Variants in ANAPC10 observed in about 807,000 individuals in gnomAD.
ANAPC10 encodes anaphase promoting complex subunit 10.
A neutral mutation model predicts 22.0 loss-of-function variants in ANAPC10; 12 were observed. That is an observed-to-expected ratio of 0.55 (90% confidence interval 0.35 to 0.88). The LOEUF (loss-of-function observed/expected upper bound fraction) is 0.88. Among genes scored for constraint, ANAPC10 ranks in the 40% least tolerant of loss-of-function variants. The pLI, the probability that ANAPC10 is intolerant of heterozygous loss-of-function variation, is 0.01. For synonymous variants in ANAPC10, 65 were observed against 69.5 expected (o/e 0.94, Z 0.32); for missense variants, 188 against 220.9 (o/e 0.85, Z 0.94).
At position 145,054,668 on chromosome 4, in the gene ANAPC10, A is replaced by ATG. The variant is rs1170130524; in HGVS notation, c.327+9902_327+9903dup. 1.7e-4 allele frequency among the ~76,000 whole-genome samples: 24 copies of ATG among 139,534 alleles called. 1 individual carries two copies. Among genetic ancestry groups the ATG allele is most frequent in the African/African-American group, 5.7e-4 (21 of 37,140 alleles). 91.5% of individuals were successfully genotyped at this position (139,534 alleles called of 152,430 possible). On this transcript the variant is annotated intron_variant, in intron 4 of 4. Coordinates refer to ENST00000507656, the MANE Select transcript of ANAPC10 (RefSeq NM_001256706.2). ...GCGCGCGCGCGCGTGCGTGCAGCGC[A>ATG]TGTGTGTGTGTGTGCCTGTGTGTGT... is the stretch of plus-strand genomic sequence containing the variant.
chr4:145,085,512 A>G (rs904695136), intron 2 of ANAPC10, among the ~76,000 whole-genome samples: 3 of 151,974 alleles, frequency 2.0e-5, no homozygotes, highest in African/African-American at 7.2e-5. Context: ...TATGTGCTCA[A>G]AGAGGTTCAA....
At chr4:145,031,149 C>T (rs937089468) in intron 4 of ANAPC10, among the ~76,000 whole-genome samples, 2 of 152,232 alleles carry the variant, frequency 1.3e-5, no homozygotes, top group Admixed American at 6.5e-5. Context: ...TCCTACCTCA[C>T]GGGTATATCA....
At chr4:145,073,371 A>AT (rs1235344923) in intron 3 of ANAPC10, among the ~76,000 whole-genome samples, 1 of 152,232 alleles carries the variant, frequency 6.6e-6, no homozygotes, top group Non-Finnish European at 1.5e-5. Context: ...CTGTTACCTG[A>AT]TATTTTTTAA....
intron 2 of ANAPC10, among the ~76,000 whole-genome samples, chr4:145,089,929 C>T (rs141211745): frequency 6.6e-6 from 1 of 152,278 alleles, no homozygotes; most frequent in Non-Finnish European, 1.5e-5. Context: ...ACCTTTTCAA[C>T]TGCTCATATT....
At chr4:145,086,243 A>G (rs1294820860) in intron 2 of ANAPC10, among the ~76,000 whole-genome samples, 2 of 152,196 alleles carry the variant, frequency 1.3e-5, no homozygotes, top group Non-Finnish European at 2.9e-5. Context: ...GATTACTGGC[A>G]TGAGCCACCG....
At chr4:145,076,695 A>G (rs1224645389) in intron 3 of ANAPC10, among the ~76,000 whole-genome samples, 1 of 152,236 alleles carries the variant, frequency 6.6e-6, no homozygotes, top group African/African-American at 2.4e-5. Context: ...ACCCAATCCA[A>G]GGAATCTAAG....
At chr4:145,012,063 T>G (rs1734400744) in intron 4 of ANAPC10, among the ~76,000 whole-genome samples, 1 of 151,866 alleles carries the variant, frequency 6.6e-6, no homozygotes, top group Admixed American at 6.6e-5. Flanking sequence ...GTCTATCTGC[T>G]TAGCGGGAGA....
intron 4 of ANAPC10, among the ~76,000 whole-genome samples, chr4:145,003,778 C>G (rs542252028): frequency 7.9e-5 from 12 of 152,236 alleles, no homozygotes; most frequent in African/African-American, 2.9e-4. Flanking sequence ...TAATATGATG[C>G]TTCTAGCTTT....
chr4:145,047,559 C>T (rs1024834001), intron 4 of ANAPC10, among the ~76,000 whole-genome samples: 4 of 152,130 alleles, frequency 2.6e-5, no homozygotes, highest in African/African-American at 9.7e-5. Context: ...TCCCTCTCAA[C>T]ACAAGGCAAA....
chr4:145,045,962 T>C (rs1488858007), intron 4 of ANAPC10, among the ~76,000 whole-genome samples: 1 of 152,156 alleles, frequency 6.6e-6, no homozygotes, highest in Non-Finnish European at 1.5e-5. Context: ...AATTATATTA[T>C]GATTATCTAT....
intron 2 of ANAPC10, among the ~76,000 whole-genome samples, chr4:145,085,127 C>A (rs538052749): frequency 6.6e-6 from 1 of 152,192 alleles, no homozygotes; most frequent in African/African-American, 2.4e-5. Flanking sequence ...AATAAAAAAA[C>A]TTAGCCAGGC....
intron 4 of ANAPC10, among the ~76,000 whole-genome samples, chr4:145,029,488 T>TATAAAA (rs1316420237): frequency 6.6e-6 from 1 of 152,142 alleles, no homozygotes; most frequent in Non-Finnish European, 1.5e-5. Context: ...CTCTAATTAA[T>TATAAAA]ATAAACAGAA....
At chr4:145,013,422 A>C (rs1232357182) in intron 4 of ANAPC10, among the ~76,000 whole-genome samples, 2 of 152,194 alleles carry the variant, frequency 1.3e-5, no homozygotes, top group African/African-American at 4.8e-5. Flanking sequence ...GAAAAGAGAA[A>C]ACTCATACTG....
chr4:145,063,817 G>A (rs1393747329), intron 4 of ANAPC10, among the ~76,000 whole-genome samples: 1 of 152,022 alleles, frequency 6.6e-6, no homozygotes, highest in Non-Finnish European at 1.5e-5. Flanking sequence ...CAACTACGTG[G>A]ACAAATCTCA....
intron 4 of ANAPC10, among the ~76,000 whole-genome samples, chr4:145,052,457 G>A (rs1043934624): frequency 3.9e-5 from 6 of 152,026 alleles, no homozygotes; most frequent in Admixed American, 6.6e-5. Flanking sequence ...GGTGGAATCC[G>A]CGTATTTTCT....
chr4:145,081,827 G>GGCCGGGCGCGGTGGC, intron 2 of ANAPC10, 77 bp from the exon 3 acceptor site: 1 of 1,001,618 alleles, frequency 1.0e-6, no homozygotes, highest in East Asian at 2.5e-5. Flanking sequence ...ATTAACATAT[G>GGCCGGGCGCGGTGGC]TATTTGTCCA....
At chr4:145,096,955 A>T (rs943485973) in intron 1 of ANAPC10, among the ~76,000 whole-genome samples, 30 of 152,160 alleles carry the variant, frequency 2.0e-4, no homozygotes, top group Admixed American at 1.4e-3. Flanking sequence ...TCACACCTGT[A>T]ATCCCAGCAG....
At position 145,028,676 on chromosome 4, in the gene ANAPC10, A is replaced by C. The variant is rs1000670475; in HGVS notation, c.328-33073T>G. Among the ~76,000 whole-genome samples, 3 of 152,206 alleles carry C rather than the reference A, an allele frequency of 2.0e-5. No individual in the cohort carries two copies. The South Asian group carries it at 6.2e-4, about 31-fold the overall frequency. On this transcript the variant is annotated intron_variant, in intron 4 of 4. Transcript: ENST00000507656. Reference sequence around the variant, plus strand: ...TTCAAATAGTATGGAAAATACTGATAGTCCTTGGTGTAAACTGTTTAGAGA... The same window carrying C: ...TTCAAATAGTATGGAAAATACTGATCGTCCTTGGTGTAAACTGTTTAGAGA...
chr4:145,025,341 C>G (rs906359384), intron 4 of ANAPC10, among the ~76,000 whole-genome samples: 7 of 150,426 alleles, frequency 4.7e-5, no homozygotes, highest in African/African-American at 9.7e-5. Context: ...CGCCCCCCCC[C>G]CCTTTTAAGC....
Sources: allele counts gnomAD v4.1 joint callset (sites outside exome capture counted in the v4.1 genomes callset), GRCh38; gene constraint gnomAD v4.1.1; transcripts MANE v1.5; gene names NCBI Gene and HGNC (gene_info 2026-07-23, HGNC 2026-07-21).